The following RPRD1A variants were observed in gnomAD, a reference collection of about 807,000 sequenced individuals.
RPRD1A encodes regulation of nuclear pre-mRNA domain-containing protein 1A.
In RPRD1A, 9 loss-of-function variants were observed where a neutral mutation model predicts 37.8. The observed-to-expected ratio is 0.24, with a 90% confidence interval of 0.14 to 0.42. The LOEUF is 0.42. RPRD1A is among the 10% of genes least tolerant of loss of function. RPRD1A has a pLI of 1.00. For synonymous variants in RPRD1A, 138 were observed against 139.7 expected, an observed-to-expected ratio of 0.99 and a Z score of 0.08; for missense variants, 255 against 371.0, an observed-to-expected ratio of 0.69 and a Z score of 2.57.
chr18:36,005,837 G>T (rs1340098778), intron 6 of RPRD1A, among the ~76,000 whole-genome samples: 3 of 152,210 alleles, frequency 2.0e-5, no homozygotes, highest in Admixed American at 6.5e-5. Context: ...ACACAGCATG[G>T]CTACACCTGT....
intron 1 of RPRD1A, among the ~76,000 whole-genome samples, chr18:36,047,637 C>T (rs1913051914): frequency 6.6e-6 from 1 of 152,118 alleles, no homozygotes; most frequent in Admixed American, 6.5e-5. Flanking sequence ...AGGAATAAAA[C>T]AGGATATCAC....
intron 6 of RPRD1A, among the ~76,000 whole-genome samples, chr18:36,002,529 C>T (rs1909486839): frequency 6.6e-6 from 1 of 152,174 alleles, no homozygotes; most frequent in Non-Finnish European, 1.5e-5. Context: ...CCCACCTAAG[C>T]CTCCCAGTGT....
At position 36,067,259 on chromosome 18, in the gene RPRD1A, C is replaced by T; in HGVS notation, c.146G>A (p.Arg49Gln). ...PIVTVWEREL[R>Q]KAKPNRKLTF... Reference sequence around the variant, plus strand: ...GACATAAGCGGTTGACTCACCTTTCCGCAGCTCCCGCTCCCACACGGTGAC... The same window carrying T: ...GACATAAGCGGTTGACTCACCTTTCTGCAGCTCCCGCTCCCACACGGTGAC... The change falls in exon 1 of 7, where the codon CGG (arginine) becomes CAG (glutamine). Residue 49 changes from arginine to glutamine, a missense_variant. Physicochemically the swap from Arg to Gln is conservative, Grantham distance 43. Around this residue, in one of 2 missense-constraint regions of RPRD1A, gnomAD observed 44 missense variants for 102.1 expected, o/e 0.43. Transcript: ENST00000399022. 6.3e-7 allele frequency: 1 copy of T among 1,586,126 alleles called. No homozygotes were observed. The highest frequency in any genetic ancestry group is 8.6e-7 in the Non-Finnish European group (1 of 1,166,612).
chr18:36,023,916 T>G (rs1463930170), intron 6 of RPRD1A, among the ~76,000 whole-genome samples: 4 of 152,242 alleles, frequency 2.6e-5, no homozygotes. Flanking sequence ...TAGACAACAG[T>G]AAAGTTGTAA....
chr18:36,054,104 T>C (rs1370311015), intron 1 of RPRD1A, among the ~76,000 whole-genome samples: 2 of 152,148 alleles, frequency 1.3e-5, no homozygotes, highest in African/African-American at 4.8e-5. Context: ...AAAAAGATCA[T>C]CAAGTCATCA....
rs201268783 is a variant in RPRD1A at position 36,025,646 on chromosome 18, G to A, written c.789+1254C>T. On this transcript the variant is annotated intron_variant, in intron 6 of 6. Coordinates refer to ENST00000399022, the MANE Select transcript of RPRD1A (RefSeq NM_018170.5). ...GCAGGAAGAATATACTAATGGTGAC[G>A]ACATCGTTAGAAGATACGCCCATGT... 21 of 1,288,586 alleles carry A rather than the reference G, an allele frequency of 1.6e-5. No homozygotes were observed. In the African/African-American group the frequency reaches 2.1e-4, roughly 13 times the overall value. The allele number at this position is 1,288,586 out of a possible 1,614,324, so 79.8% of individuals were successfully genotyped here. A position where few individuals can be genotyped will look rare whatever the true frequency, so the allele number is the denominator to read the frequency against.
intron 6 of RPRD1A, among the ~76,000 whole-genome samples, chr18:36,017,980 G>A (rs1307382617): frequency 6.6e-6 from 1 of 152,108 alleles, no homozygotes; most frequent in Admixed American, 6.5e-5. Flanking sequence ...CCTACAGAAG[G>A]GGAAAAAATG....
At chr18:36,023,741 TCAAGG>T (rs2144258002) in intron 6 of RPRD1A, among the ~76,000 whole-genome samples, 1 of 152,264 alleles carries the variant, frequency 6.6e-6, no homozygotes, top group East Asian at 1.9e-4. Flanking sequence ...GCCATCAATA[TCAAGG>T]CAAGACCCTC....
chr18:36,002,816 A>C (rs1276481898), intron 6 of RPRD1A, among the ~76,000 whole-genome samples: 1 of 152,180 alleles, frequency 6.6e-6, no homozygotes, highest in South Asian at 2.1e-4. Flanking sequence ...TAGTGAGGTA[A>C]ACAAGTCAAT....
At chr18:36,029,689 C>T (rs1911628689) in intron 4 of RPRD1A, among the ~76,000 whole-genome samples, 1 of 150,736 alleles carries the variant, frequency 6.6e-6, no homozygotes, top group Non-Finnish European at 1.5e-5. Context: ...CCATACCATA[C>T]CAACATGTAG....
At chr18:35,996,560 T>G (rs1227578433) in intron 6 of RPRD1A, among the ~76,000 whole-genome samples, 5 of 152,124 alleles carry the variant, frequency 3.3e-5, no homozygotes, top group Non-Finnish European at 5.9e-5. Flanking sequence ...ATGAATAAAT[T>G]AATAGATCTT....
intron 6 of RPRD1A, among the ~76,000 whole-genome samples, chr18:36,018,184 A>T (rs1910729329): frequency 6.8e-6 from 1 of 147,042 alleles, no homozygotes; most frequent in Non-Finnish European, 1.5e-5. Flanking sequence ...AGTGTCTTTC[A>T]ATCATTTTTA....
chr18:36,046,609 T>A (rs985812207), intron 1 of RPRD1A, among the ~76,000 whole-genome samples: 1 of 151,586 alleles, frequency 6.6e-6, no homozygotes, highest in Non-Finnish European at 1.5e-5. Context: ...GGTGGGTGGA[T>A]TGCTTGAGGT....
intron 6 of RPRD1A, among the ~76,000 whole-genome samples, chr18:36,013,816 GAATA>G (rs1323640934): frequency 2.0e-5 from 3 of 152,022 alleles, no homozygotes; most frequent in Non-Finnish European, 4.4e-5. Context: ...AATAATGCAT[GAATA>G]ACGATAATGA....
At chr18:36,026,388 G>T (rs556556187) in intron 6 of RPRD1A, 1 of 152,558 alleles carries the variant, frequency 6.6e-6, no homozygotes, top group African/African-American at 2.4e-5. Flanking sequence ...TCTCATTAGC[G>T]GTATTAATTA....
At chr18:36,018,183 C>T (rs1018164990) in intron 6 of RPRD1A, among the ~76,000 whole-genome samples, 2 of 147,314 alleles carry the variant, frequency 1.4e-5, no homozygotes, top group African/African-American at 5.1e-5. Flanking sequence ...AAGTGTCTTT[C>T]AATCATTTTT....
At chr18:35,997,939 C>T (rs1345618923) in intron 6 of RPRD1A, among the ~76,000 whole-genome samples, 1 of 152,048 alleles carries the variant, frequency 6.6e-6, no homozygotes, top group East Asian at 1.9e-4. Context: ...TACCATGACT[C>T]CCTTACACTG....
In RPRD1A at chr18:36,052,158, GAA is replaced by G. The variant is rs58995301; in HGVS notation, c.151+15094_151+15095del. Among the ~76,000 whole-genome samples, 7 of 143,864 alleles carry G rather than the reference GAA, an allele frequency of 4.9e-5. No homozygotes were observed. The East Asian group carries it at 1.2e-3, about 25-fold the overall frequency. 94.4% of individuals were successfully genotyped at this position (143,864 alleles called of 152,430 possible). ...AGACAATGTATTTAACATCCTAACA[GAA>G]AAAAAAAAAAACTGTCAACCAAGAT... On this transcript the variant is annotated intron_variant, in intron 1 of 6. Transcript: ENST00000399022.
rs1188667393 is a variant in RPRD1A at position 36,033,893 on chromosome 18, T to C, written c.152-56A>G. 6 of 1,442,552 alleles carry C rather than the reference T, an allele frequency of 4.2e-6. No homozygotes were observed. In the Admixed American group the frequency reaches 7.8e-5, roughly 19 times the overall value. 89.4% of individuals were successfully genotyped at this position (1,442,552 alleles called of 1,614,324 possible). ...TTAAAACATCTTTACTTGGACAAAC[T>C]TTCTCAATACCTAAATTAAGCATTT... On this transcript the variant is annotated intron_variant, in intron 1 of 6. Transcript: ENST00000399022.
Sources: allele counts gnomAD v4.1 joint callset (sites outside exome capture counted in the v4.1 genomes callset), GRCh38; gene constraint gnomAD v4.1.1; regional missense constraint gnomAD v4.1.1; transcripts MANE v1.5; gene names NCBI Gene and HGNC (gene_info 2026-07-23, HGNC 2026-07-21).